Variants in ETV5 observed in about 807,000 individuals in gnomAD.
ETV5 encodes the protein ETS variant transcription factor 5.
A neutral mutation model predicts 70.0 loss-of-function variants in ETV5; 10 were observed. That is an observed-to-expected ratio of 0.14 (90% confidence interval 0.09 to 0.24). ETV5 has a LOEUF of 0.24. Ranked by LOEUF, ETV5 falls within the 10% of genes least tolerant of loss-of-function variation. ETV5 has a pLI of 1.00. For missense variants in ETV5, 453 were observed against 651.2 expected (o/e 0.70, Z 3.31); for synonymous variants, 216 against 242.2 (o/e 0.89, Z 1.01).
chr3:186,066,262 CAAAA>C, intron 7 of ETV5, among the ~76,000 whole-genome samples, 190 bp from the exon 8 acceptor site: 1 of 94,896 alleles, frequency 1.1e-5, no homozygotes, highest in South Asian at 4.3e-4. Context: ...CAGGAAGTGG[CAAAA>C]AAAAAAAAAA....
intron 5 of ETV5, among the ~76,000 whole-genome samples, chr3:186,098,756 T>C (rs1363432064): frequency 1.3e-5 from 2 of 152,250 alleles, no homozygotes; most frequent in South Asian, 2.1e-4. Flanking sequence ...TACTTCTTTA[T>C]GAAAAGCAAA....
At chr3:186,102,827 C>A (rs1398334433) in intron 5 of ETV5, among the ~76,000 whole-genome samples, 1 of 152,034 alleles carries the variant, frequency 6.6e-6, no homozygotes, top group Non-Finnish European at 1.5e-5. Flanking sequence ...GAACTCGAGG[C>A]TGTGGAAAGC....
At chr3:186,087,056 A>G (rs1440000706) in intron 5 of ETV5, among the ~76,000 whole-genome samples, 4 of 152,204 alleles carry the variant, frequency 2.6e-5, no homozygotes, top group African/African-American at 9.6e-5. Context: ...ATGGAAGGAT[A>G]GATCATGCTC....
chr3:186,088,129 T>C (rs1233788075), intron 5 of ETV5, among the ~76,000 whole-genome samples: 1 of 152,196 alleles, frequency 6.6e-6, no homozygotes, highest in Non-Finnish European at 1.5e-5. Flanking sequence ...TTCTTCAGTT[T>C]CATTTACCTT....
chr3:186,057,099 C>T lies in ETV5; in HGVS notation c.1185G>A (p.Glu395=), dbSNP rs1252854616. The T allele has an allele frequency of 1.9e-6, 3 of 1,614,086 alleles. No individual in the cohort carries two copies. The highest frequency in any genetic ancestry group is 1.7e-6 in the Non-Finnish European group (2 of 1,180,030). The change falls in exon 11 of 13, where the codon GAG becomes GAA. Residue 395 remains glutamate, a synonymous_variant. Coordinates refer to ENST00000306376, the MANE Select transcript of ETV5 (RefSeq NM_004454.3). The surrounding 1 kb of genome is among the most constrained non-coding windows in gnomAD (Gnocchi z 4.9). The part of the protein sequence containing the change: ...HFIAWTGRGM[E]FKLIEPEEVA... The stretch of plus-strand genomic sequence containing the variant: ...CCTCTTCCGGTTCTATCAGCTTGAA[C>T]TCCATGCCTCGACCTGTCCAGGCAA...
intron 6 of ETV5, chr3:186,080,728 A>G: frequency 4.2e-6 from 1 of 238,242 alleles, no homozygotes; most frequent in Non-Finnish European, 8.2e-6. Context: ...TATGATAGAC[A>G]TGAAGAAGTA....
intron 12 of ETV5, among the ~76,000 whole-genome samples, chr3:186,051,756 T>C (rs1713038682): frequency 6.6e-6 from 1 of 152,208 alleles, no homozygotes; most frequent in Admixed American, 6.5e-5. Context: ...TTTCTATATA[T>C]AGAAGCAGTT....
At position 186,057,540 on chromosome 3, in the gene ETV5, T is replaced by C. The variant is rs1011780542; in HGVS notation, c.971-49A>G. 1 of 1,479,860 alleles carries C rather than the reference T, an allele frequency of 6.8e-7. No individual in the cohort carries two copies. Among genetic ancestry groups the C allele is most frequent in the African/African-American group, 1.4e-5 (1 of 72,246 alleles). The allele number at this position is 1,479,860 out of a possible 1,614,324, so 91.7% of individuals were successfully genotyped here. On this transcript the variant is annotated intron_variant, in intron 9 of 12. Coordinates refer to ENST00000306376, the MANE Select transcript of ETV5 (RefSeq NM_004454.3). The surrounding 1 kb of genome is among the most constrained non-coding windows in gnomAD (Gnocchi z 4.9). ...ACTACGTTGCTTAACAAATTCTGTG[T>C]TGTACTAAAACTATGGATTTAAGGA...
chr3:186,083,977 G>GTCAGAGA (rs1214175744), intron 5 of ETV5, among the ~76,000 whole-genome samples: 4 of 152,178 alleles, frequency 2.6e-5, no homozygotes, highest in Non-Finnish European at 5.9e-5. Flanking sequence ...GCATGTGTTA[G>GTCAGAGA]TCAGAGATAG....
intron 7 of ETV5, among the ~76,000 whole-genome samples, chr3:186,068,292 T>G (rs181130686): frequency 1.3e-5 from 2 of 152,278 alleles, no homozygotes; most frequent in Non-Finnish European, 2.9e-5. Context: ...TTTTGACATA[T>G]TAAGGAAGGT....
chr3:186,105,403 A>G lies in ETV5; in HGVS notation c.181+46T>C. 1 of 1,612,214 alleles carries G rather than the reference A, an allele frequency of 6.2e-7. No individual in the cohort carries two copies. The highest frequency in any genetic ancestry group is 8.5e-7 in the Non-Finnish European group (1 of 1,178,988). The stretch of plus-strand genomic sequence containing the variant: ...AGACCTTTAAGTTTTATTAAAAAGC[A>G]CAGTAAAATGTTTTATATGGAAAAT... On this transcript the variant is annotated intron_variant, in intron 4 of 12. Transcript: ENST00000306376. This position sits in a 1 kb window ranked among gnomAD's most constrained non-coding sequence, Gnocchi z 4.5.
At chr3:186,078,675 A>T (rs1326317909) in intron 7 of ETV5, among the ~76,000 whole-genome samples, 1 of 152,142 alleles carries the variant, frequency 6.6e-6, no homozygotes, top group Non-Finnish European at 1.5e-5. Context: ...GTGGCAATAG[A>T]GGCCCACTCC....
intron 1 of ETV5, chr3:186,108,468 A>AC: frequency 8.0e-7 from 1 of 1,248,002 alleles, no homozygotes; most frequent in Non-Finnish European, 1.0e-6. Flanking sequence ...TGTGTCATTT[A>AC]CCCCCTCCCG....
chr3:186,093,435 G>T (rs1714231220), intron 5 of ETV5, among the ~76,000 whole-genome samples: 1 of 152,128 alleles, frequency 6.6e-6, no homozygotes, highest in Admixed American at 6.5e-5. Flanking sequence ...CATGGCTCAA[G>T]GATTGCAACA....
At chr3:186,085,397 C>T (rs555694643) in intron 5 of ETV5, among the ~76,000 whole-genome samples, 98 of 152,270 alleles carry the variant, frequency 6.4e-4, no homozygotes, top group Non-Finnish European at 1.1e-3. Context: ...ACCCCTAAAT[C>T]CACTCAAGGA....
intron 7 of ETV5, among the ~76,000 whole-genome samples, chr3:186,068,313 T>C (rs1035207342): frequency 6.6e-6 from 1 of 152,224 alleles, no homozygotes; most frequent in African/African-American, 2.4e-5. Flanking sequence ...TGCTAAACAG[T>C]ACGTAGAGTA....
At chr3:186,095,298 A>G (rs928826049) in intron 5 of ETV5, 3 of 152,210 alleles carry the variant, frequency 2.0e-5, no homozygotes, top group African/African-American at 4.8e-5. Flanking sequence ...GGATAAGGGG[A>G]AACAGGACAT....
intron 5 of ETV5, chr3:186,095,238 C>T (rs1578559588): frequency 1.3e-5 from 2 of 152,176 alleles, no homozygotes; most frequent in African/African-American, 4.8e-5. Flanking sequence ...CTTACATCAA[C>T]CACAGTGGAT....
rs1041823463 is a variant in ETV5 at position 186,052,596 on chromosome 3, A to G, written c.1210-465T>C. On this transcript the variant is annotated intron_variant, in intron 11 of 12. Transcript: ENST00000306376. The surrounding 1 kb of genome is among the most constrained non-coding windows in gnomAD (Gnocchi z 4.5). ...AAAAGTTCAATTCTAATAAGATTGGAGGGGGGCTGGGAGATGTTTACTTAT... is the reference window on the plus strand; with the variant it reads ...AAAAGTTCAATTCTAATAAGATTGGGGGGGGGCTGGGAGATGTTTACTTAT... Among the ~76,000 whole-genome samples, 1 of 152,150 alleles carries G rather than the reference A, an allele frequency of 6.6e-6. No individual in the cohort carries two copies. Among genetic ancestry groups the G allele is most frequent in the African/African-American group, 2.4e-5 (1 of 41,436 alleles).
Sources: gnomAD v4.1 joint callset for allele counts (sites outside exome capture counted in the v4.1 genomes callset) on GRCh38, gnomAD v4.1.1 for gene constraint, Gnocchi (gnomAD v3.1) non-coding constraint, MANE v1.5 for transcripts, NCBI Gene and HGNC (gene_info 2026-07-23, HGNC 2026-07-21) for gene names.